Variants in TG observed in about 807,000 individuals in gnomAD.
TG encodes the protein thyroglobulin, also known as thyroid hormones.
A neutral mutation model predicts 324.7 loss-of-function variants in TG; 270 were observed. That is an observed-to-expected ratio of 0.83 (90% CI 0.75 to 0.92). The LOEUF (loss-of-function observed/expected upper bound fraction) is 0.92. Ranked by LOEUF, TG falls within the 40% of genes least tolerant of loss-of-function variation. The pLI is 0.00. For synonymous variants in TG, 1,401 were observed against 1,327.0 expected (o/e 1.06, Z -1.21); for missense variants, 3,591 against 3,456.4 (o/e 1.04, Z -0.98).
chr8:133,051,349 C>T (rs1179584657), intron 41 of TG, among the ~76,000 whole-genome samples: 1 of 152,158 alleles, frequency 6.6e-6, no homozygotes, highest in Non-Finnish European at 1.5e-5. Flanking sequence ...TGTAAAAACC[C>T]CCCTTCTCAC....
chr8:132,926,883 G>A (rs1467298309), intron 22 of TG, among the ~76,000 whole-genome samples: 2 of 152,174 alleles, frequency 1.3e-5, no homozygotes, highest in African/African-American at 4.8e-5. Context: ...CTCCCTGACT[G>A]CCTGCTGCCT....
chr8:133,100,400 A>G (rs866558096), intron 43 of TG, among the ~76,000 whole-genome samples: 19 of 152,326 alleles, frequency 1.2e-4, no homozygotes, highest in African/African-American at 3.1e-4. Context: ...AGAATGTTTG[A>G]AACTGCTATA....
At chr8:132,876,206 C>T (rs137856908) in intron 5 of TG, among the ~76,000 whole-genome samples, 117 of 152,050 alleles carry the variant, frequency 7.7e-4, no homozygotes, top group African/African-American at 2.6e-3. Flanking sequence ...CAAGAGACGA[C>T]GTTGACATGG....
chr8:132,867,735 C>T (rs1408096687), intron 1 of TG, among the ~76,000 whole-genome samples: 1 of 134,624 alleles, frequency 7.4e-6, no homozygotes, highest in African/African-American at 2.7e-5. Flanking sequence ...AACTTCCTTA[C>T]GGTTCTCTAA....
intron 41 of TG, among the ~76,000 whole-genome samples, chr8:133,092,255 C>T (rs1199040490): frequency 2.0e-5 from 3 of 152,222 alleles, no homozygotes; most frequent in African/African-American, 7.2e-5. Context: ...GACTCCGAAG[C>T]AACTACAGTG....
At position 132,960,994 on chromosome 8, in the gene TG, A is replaced by G. The variant is rs370654555; in HGVS notation, c.5402-14A>G. 3.1e-6 allele frequency: 5 copies of G among 1,613,658 alleles called. No individual in the cohort carries two copies. The highest frequency in any genetic ancestry group is 1.1e-5 in the South Asian group (1 of 91,080). ...CACACTCAAGCTCATAAAAATAAAC[A>G]TCTTCCTTTGCAGGTCTGACACCCT... On this transcript the variant is annotated splice_polypyrimidine_tract_variant and intron_variant, in intron 27 of 47. Coordinates refer to ENST00000220616, the MANE Select transcript of TG (RefSeq NM_003235.5).
At chr8:133,095,240 A>C in intron 42 of TG, 32 bp downstream of exon 42, 1 of 1,614,152 alleles carries the variant, frequency 6.2e-7, no homozygotes, top group Non-Finnish European at 8.5e-7. Context: ...GGGAAGGGAC[A>C]TTCTCTGGTC....
chr8:132,955,917 C>T (rs536688725), intron 27 of TG, among the ~76,000 whole-genome samples: 3 of 152,330 alleles, frequency 2.0e-5, no homozygotes, highest in African/African-American at 7.2e-5. Context: ...CTCAAGTTCT[C>T]AGTGTGTTTG....
chr8:132,925,053 C>T (rs1821643012), intron 22 of TG, among the ~76,000 whole-genome samples: 1 of 152,140 alleles, frequency 6.6e-6, no homozygotes, highest in African/African-American at 2.4e-5. Context: ...AAGCCAGTCT[C>T]TTAGTATTTC....
chr8:132,893,268 T>C (rs1229856451), intron 10 of TG, among the ~76,000 whole-genome samples: 1 of 100,840 alleles, frequency 9.9e-6, no homozygotes, highest in East Asian at 3.0e-4. Flanking sequence ...GTGTGTGGTG[T>C]CTGCGGGGGT....
intron 35 of TG, among the ~76,000 whole-genome samples, chr8:132,996,213 GA>G (rs977919143): frequency 6.6e-6 from 1 of 152,218 alleles, no homozygotes; most frequent in Admixed American, 6.5e-5. Flanking sequence ...CAGTGTAAAT[GA>G]AAGTGTTTTA....
rs1817394164 is a variant in TG at position 132,898,175 on chromosome 8, G to T, written c.3146G>T (p.Cys1049Phe). 6.2e-7 allele frequency: 1 copy of T among 1,602,160 alleles called. No individual in the cohort carries two copies. Among genetic ancestry groups the T allele is most frequent in the Middle Eastern group, 1.8e-4 (1 of 5,572 alleles). ...PVQCHAGTGH[C>F]WCVDEKGGFI... ...CCCCTTGGCTCTTTTCCAGGGCACT[G>T]CTGGTGTGTAGATGAGAAAGGAGGG... Residue 1049 changes from cysteine (C) to phenylalanine (F), a missense_variant, in exon 13 of 48, where the codon TGC (cysteine) becomes TTC (phenylalanine). Transcript: ENST00000220616.
In TG at chr8:133,028,282, A is replaced by G. The variant is rs184442260; in HGVS notation, c.7037-1539A>G. Among the ~76,000 whole-genome samples the G allele has an allele frequency of 1.7e-4, 26 of 152,330 alleles. 1 individual carries two copies. Among genetic ancestry groups the G allele is most frequent in the African/African-American group, 6.0e-4 (25 of 41,568 alleles). On this transcript the variant is annotated intron_variant, in intron 40 of 47. Coordinates refer to ENST00000220616, the MANE Select transcript of TG (RefSeq NM_003235.5). The stretch of plus-strand genomic sequence containing the variant: ...TGGAGGAAACAAACACATTCATCCT[A>G]ACAAATGGATCATATGAGCAATCCA...
At chr8:133,031,353 TTATC>T (rs1836624812) in intron 41 of TG, among the ~76,000 whole-genome samples, 1 of 152,220 alleles carries the variant, frequency 6.6e-6, no homozygotes, top group Non-Finnish European at 1.5e-5. Context: ...CACATTTTGT[TTATC>T]CACTCATCTG....
At chr8:132,997,204 G>A (rs1469295191) in intron 35 of TG, among the ~76,000 whole-genome samples, 1 of 152,198 alleles carries the variant, frequency 6.6e-6, no homozygotes, top group Non-Finnish European at 1.5e-5. Context: ...GAGTTGGGCA[G>A]CCCCATGGCT....
At chr8:132,914,993 T>C (rs1820082238) in intron 20 of TG, among the ~76,000 whole-genome samples, 1 of 152,132 alleles carries the variant, frequency 6.6e-6, no homozygotes, top group South Asian at 2.1e-4. Context: ...TGTATTAGTG[T>C]ATGTGTGTGG....
In TG at chr8:132,935,819, G is replaced by A; in HGVS notation, c.4996G>A (p.Val1666Met). ...TGGAAGTCTTCGCTGCCAGGTGAAA[G>A]TGAGGAGCCATGGTCAAGATTCTCC... ...SFGSLRCQVK[V>M]RSHGQDSPAV... is the part of the protein sequence containing the mutation. Residue 1666 changes from valine (V) to methionine (M), a missense_variant, in exon 25 of 48, where the codon GTG (valine) becomes ATG (methionine). Physicochemically the swap from Val to Met is conservative, Grantham distance 21. Coordinates refer to ENST00000220616, the MANE Select transcript of TG (RefSeq NM_003235.5). The A allele has an allele frequency of 1.9e-6, 3 of 1,612,856 alleles. No homozygotes were observed. Among genetic ancestry groups the A allele is most frequent in the Non-Finnish European group, 2.5e-6 (3 of 1,180,034 alleles).
At chr8:132,925,107 A>G (rs1227505924) in intron 22 of TG, among the ~76,000 whole-genome samples, 1 of 152,202 alleles carries the variant, frequency 6.6e-6, no homozygotes, top group Non-Finnish European at 1.5e-5. Flanking sequence ...ACTGTGTGCC[A>G]GGTGTTTTAT....
intron 41 of TG, among the ~76,000 whole-genome samples, chr8:133,061,103 C>T (rs549973370): frequency 6.6e-6 from 1 of 152,302 alleles, no homozygotes; most frequent in African/African-American, 2.4e-5. Context: ...CCCTGCCTCC[C>T]GGGTTCAAGC....
Sources: gnomAD v4.1 joint callset for allele counts (sites outside exome capture counted in the v4.1 genomes callset) on GRCh38, gnomAD v4.1.1 for gene constraint, MANE v1.5 for transcripts, NCBI Gene and HGNC (gene_info 2026-07-23, HGNC 2026-07-21) for gene names.